PPARGC1A: variants seen among roughly 807,000 people sequenced by gnomAD.
PPARGC1A encodes the protein peroxisome proliferator-activated receptor gamma coactivator 1-alpha.
In PPARGC1A, 25 loss-of-function variants were observed where a neutral mutation model predicts 88.7. The ratio of observed to expected loss-of-function variants is 0.28; its 90% CI spans 0.21 to 0.39. The LOEUF is 0.39. Ranked by LOEUF, PPARGC1A falls within the 10% of genes least tolerant of loss-of-function variation. The pLI is 1.00. For synonymous variants in PPARGC1A, 363 were observed against 355.6 expected, an observed-to-expected ratio of 1.02 and a Z score of -0.24; for missense variants, 880 against 968.7, an observed-to-expected ratio of 0.91 and a Z score of 1.22.
chr4:23,879,082 GA>G (rs973311585), intron 2 of PPARGC1A, among the ~76,000 whole-genome samples: 3 of 152,166 alleles, frequency 2.0e-5, no homozygotes, highest in Admixed American at 2.0e-4. Context: ...GGAAATCCCA[GA>G]AATCTTATAA....
the PPARGC1A span, among the ~76,000 whole-genome samples, chr4:24,229,152 C>CTTTTTTTTTGTTTTTTTTTTTTT: frequency 1.6e-5 from 1 of 60,894 alleles, no homozygotes; most frequent in African/African-American, 5.9e-5. Context: ...GTATCTGGAC[C>CTTTTTTTTTGTTTTTTTTTTTTT]TTTTTTTTTT....
chr4:24,263,190 T>C, the PPARGC1A span, among the ~76,000 whole-genome samples: 2 of 152,052 alleles, frequency 1.3e-5, no homozygotes, highest in African/African-American at 4.8e-5. Context: ...GTAAGACCTT[T>C]CCCCCAAAAA....
the PPARGC1A span, among the ~76,000 whole-genome samples, chr4:24,173,742 T>C: frequency 6.6e-6 from 1 of 152,200 alleles, no homozygotes; most frequent in African/African-American, 2.4e-5. Context: ...GCAAGTTACA[T>C]AACCAATCTC....
At chr4:23,811,486 T>C (rs7667050) in intron 10 of PPARGC1A, among the ~76,000 whole-genome samples, 84,863 of 152,086 alleles carry the variant, frequency 0.56, 24,066 homozygotes, top group East Asian at 0.69. Context: ...CCCTAGAGCA[T>C]CATGTCAGAA....
chr4:23,804,799 C>T (rs1719473306), intron 10 of PPARGC1A, among the ~76,000 whole-genome samples: 1 of 152,170 alleles, frequency 6.6e-6, no homozygotes, highest in African/African-American at 2.4e-5. Context: ...ACCCTATTCA[C>T]ACTGCACCAC....
At chr4:23,881,322 A>G (rs1715885558) in intron 2 of PPARGC1A, 1 of 152,146 alleles carries the variant, frequency 6.6e-6, no homozygotes. Context: ...GCATTTACAC[A>G]TCCAAACACA....
chr4:23,900,224 TAAGTG>T (rs1352965174), upstream of PPARGC1A, among the ~76,000 whole-genome samples: 3 of 152,220 alleles, frequency 2.0e-5, no homozygotes, highest in African/African-American at 7.2e-5. Flanking sequence ...ATTTCTTGAA[TAAGTG>T]AAGTGAAGGA....
chr4:23,829,468 C>A lies in PPARGC1A; in HGVS notation c.547G>T (p.Val183Phe). 1 of 1,613,062 alleles carries A rather than the reference C, an allele frequency of 6.2e-7. No homozygotes were observed. Among genetic ancestry groups the A allele is most frequent in the South Asian group, 1.1e-5 (1 of 90,948 alleles). The change falls in exon 4 of 13, where the codon GTT (valine) becomes TTT (phenylalanine). Residue 183 changes from valine (V) to phenylalanine (F), a missense_variant. Physicochemically the swap from Val to Phe is conservative, Grantham distance 50 (BLOSUM62 -1). Transcript: ENST00000264867. Reference sequence around the variant, plus strand: ...TAAAAAATTTACATTTGTACCTTAACAATTGCAGGGTTTGTTCTGATCCTG... The same window carrying A: ...TAAAAAATTTACATTTGTACCTTAAAAATTGCAGGGTTTGTTCTGATCCTG... ...NHRIRTNPAIVKTENSWSNKA... is the reference protein window; with the variant it reads ...NHRIRTNPAIFKTENSWSNKA...
chr4:24,329,078 G>T, the PPARGC1A span, among the ~76,000 whole-genome samples: 1 of 152,154 alleles, frequency 6.6e-6, no homozygotes, highest in Non-Finnish European at 1.5e-5. Context: ...CCTGAGATAA[G>T]GATGCTATTA....
At chr4:24,376,374 A>G in the PPARGC1A span, among the ~76,000 whole-genome samples, 54,054 of 152,116 alleles carry the variant, frequency 0.36, 11,039 homozygotes, top group East Asian at 0.47. Flanking sequence ...GCTCTTCATG[A>G]AAGCCTGTCA....
At chr4:23,923,129 T>G in the PPARGC1A span, among the ~76,000 whole-genome samples, 28 of 151,774 alleles carry the variant, frequency 1.8e-4, no homozygotes, top group Middle Eastern at 3.4e-3. Context: ...TTTTTTTTTT[T>G]TTTTTTTATT....
chr4:23,917,745 A>G, the PPARGC1A span, among the ~76,000 whole-genome samples: 1 of 152,224 alleles, frequency 6.6e-6, no homozygotes, highest in Non-Finnish European at 1.5e-5. Flanking sequence ...GTATTTTACA[A>G]TCTCATTGAT....
At chr4:24,367,917 G>T in the PPARGC1A span, among the ~76,000 whole-genome samples, 1 of 152,118 alleles carries the variant, frequency 6.6e-6, no homozygotes, top group Non-Finnish European at 1.5e-5. Context: ...CCCTCCCAGG[G>T]TGCAGCTAGG....
chr4:24,353,575 G>A, the PPARGC1A span, among the ~76,000 whole-genome samples: 3 of 152,298 alleles, frequency 2.0e-5, no homozygotes, highest in African/African-American at 7.2e-5. Context: ...TGGGTCATAA[G>A]AGAAAGAACA....
At chr4:24,058,370 T>C in the PPARGC1A span, among the ~76,000 whole-genome samples, 1 of 152,218 alleles carries the variant, frequency 6.6e-6, no homozygotes, top group Non-Finnish European at 1.5e-5. Flanking sequence ...CTCAATTTTA[T>C]TGAGAAATCA....
the PPARGC1A span, among the ~76,000 whole-genome samples, chr4:24,265,586 G>A: frequency 6.6e-6 from 1 of 152,030 alleles, no homozygotes; most frequent in Non-Finnish European, 1.5e-5. Context: ...ATGCCGGGGG[G>A]CAGAAAAAAA....
At chr4:23,935,831 C>T in the PPARGC1A span, among the ~76,000 whole-genome samples, 1 of 151,922 alleles carries the variant, frequency 6.6e-6, no homozygotes, top group African/African-American at 2.4e-5. Context: ...TTAACTGTTT[C>T]ATTATCCTAA....
At chr4:24,282,297 C>G in the PPARGC1A span, among the ~76,000 whole-genome samples, 3 of 152,200 alleles carry the variant, frequency 2.0e-5, no homozygotes, top group Non-Finnish European at 2.9e-5. Flanking sequence ...ATTCCCTAAC[C>G]TACACTTTGA....
chr4:24,433,894 T>C, the PPARGC1A span, among the ~76,000 whole-genome samples: 1 of 152,154 alleles, frequency 6.6e-6, no homozygotes, highest in Non-Finnish European at 1.5e-5. Flanking sequence ...TTCTCCTGGT[T>C]CTTATAAAGC....
Sources: allele counts gnomAD v4.1 joint callset (sites outside exome capture counted in the v4.1 genomes callset), GRCh38; gene constraint gnomAD v4.1.1; transcripts MANE v1.5; gene names NCBI Gene and HGNC (gene_info 2026-07-23, HGNC 2026-07-21).